Variants in NPAS3 observed in about 807,000 individuals in gnomAD.
The protein encoded by NPAS3 is neuronal PAS domain-containing protein 3.
Under a neutral mutation model 73.1 loss-of-function variants are expected in NPAS3, and 14 were observed. The observed-to-expected ratio is 0.19, with a 90% confidence interval of 0.13 to 0.30. NPAS3 has a LOEUF of 0.30. Among genes scored for constraint, NPAS3 ranks in the 10% least tolerant of loss-of-function variants. The pLI is 1.00. For synonymous variants in NPAS3, 620 were observed against 541.5 expected, an observed-to-expected ratio of 1.14 and a Z score of -2.01; for missense variants, 1,096 against 1,250.0, an observed-to-expected ratio of 0.88 and a Z score of 1.86.
intron 5 of NPAS3, among the ~76,000 whole-genome samples, chr14:33,654,959 T>TACATA (rs778549964): frequency 6.6e-6 from 1 of 152,194 alleles, no homozygotes; most frequent in Non-Finnish European, 1.5e-5. Flanking sequence ...ACTTTCTGAA[T>TACATA]ACATATACCC....
At chr14:33,491,135 A>G (rs767522729) in intron 4 of NPAS3, among the ~76,000 whole-genome samples, 1 of 152,202 alleles carries the variant, frequency 6.6e-6, no homozygotes, top group South Asian at 2.1e-4. Context: ...GTTATTGTGA[A>G]CAAACCTCCA....
chr14:33,442,706 C>T (rs188308071), intron 4 of NPAS3, among the ~76,000 whole-genome samples: 5 of 152,276 alleles, frequency 3.3e-5, no homozygotes, highest in African/African-American at 1.2e-4. Flanking sequence ...TGAGGCCTCC[C>T]CAGCCATACT....
At chr14:33,650,572 G>A (rs566658021) in intron 5 of NPAS3, among the ~76,000 whole-genome samples, 49 of 152,258 alleles carry the variant, frequency 3.2e-4, no homozygotes, top group South Asian at 1.9e-3. Flanking sequence ...ACTGTTCCAC[G>A]TGCACATTAT....
intron 11 of NPAS3, 122 bp from the exon 12 acceptor site, chr14:33,799,612 G>C (rs1017983979): frequency 4.9e-5 from 47 of 967,992 alleles, no homozygotes; most frequent in Non-Finnish European, 6.8e-5. Flanking sequence ...GATGAGGACG[G>C]ACACTTGCCC....
chr14:33,537,822 G>C (rs1180601934), intron 4 of NPAS3, among the ~76,000 whole-genome samples: 1 of 152,152 alleles, frequency 6.6e-6, no homozygotes. Flanking sequence ...GCTCTTTTGA[G>C]AGGCAAGCCA....
intron 5 of NPAS3, among the ~76,000 whole-genome samples, chr14:33,646,663 A>G (rs2058837557): frequency 6.6e-6 from 1 of 152,226 alleles, no homozygotes; most frequent in South Asian, 2.1e-4. Context: ...CAAGTTGAAT[A>G]GTCCATCAAA....
chr14:33,743,987 G>T (rs2061720311), intron 7 of NPAS3, among the ~76,000 whole-genome samples: 1 of 152,208 alleles, frequency 6.6e-6, no homozygotes, highest in Non-Finnish European at 1.5e-5. Flanking sequence ...CATTATGGCT[G>T]GTTTGGTCTT....
In NPAS3 at chr14:33,440,150, G is replaced by A. The variant is rs940930761; in HGVS notation, c.468+72882G>A. Reference sequence around the variant, plus strand: ...AAAAAAAGAAAAAAGACCATTGTGGGAGAGTGGCTGATTGTTGAAGCCGGA... The same window carrying A: ...AAAAAAAGAAAAAAGACCATTGTGGAAGAGTGGCTGATTGTTGAAGCCGGA... On this transcript the variant is annotated intron_variant, in intron 4 of 11. Coordinates refer to ENST00000356141, the Ensembl canonical transcript of NPAS3. Among the ~76,000 whole-genome samples the A allele has an allele frequency of 2.6e-5, 4 of 151,908 alleles. No individual in the cohort carries two copies. The South Asian group carries it at 8.3e-4, about 32-fold the overall frequency.
chr14:33,140,231 A>G (rs2043995966), intron 2 of NPAS3, among the ~76,000 whole-genome samples: 1 of 152,138 alleles, frequency 6.6e-6, no homozygotes, highest in South Asian at 2.1e-4. Flanking sequence ...TATCCCACGA[A>G]AATGAGGAAA....
At chr14:33,396,690 C>T (rs983412950) in intron 4 of NPAS3, among the ~76,000 whole-genome samples, 3 of 151,970 alleles carry the variant, frequency 2.0e-5, no homozygotes, top group Non-Finnish European at 4.4e-5. Context: ...AGCCAATTTC[C>T]TTTGGAATTT....
intron 3 of NPAS3, among the ~76,000 whole-genome samples, chr14:33,356,057 C>A (rs2045324507): frequency 1.3e-5 from 2 of 152,158 alleles, no homozygotes; most frequent in South Asian, 4.1e-4. Flanking sequence ...GAATTATATC[C>A]TTTTCAACTA....
Position 32,988,117 on chromosome 14 carries a change from T to C in NPAS3, c.50+48751T>C, listed in dbSNP as rs1017298688. 2.0e-5 allele frequency among the ~76,000 whole-genome samples: 3 copies of C among 152,192 alleles called. No homozygotes were observed. In the East Asian group the frequency reaches 5.8e-4, roughly 29 times the overall value. ...CAATATGTAAAATATTCAAATAAGA[T>C]TTAAGAAAACATTGATTTGGTGATT... is the stretch of plus-strand genomic sequence containing the variant. On this transcript the variant is annotated intron_variant, in intron 1 of 11. Coordinates refer to ENST00000356141, the Ensembl canonical transcript of NPAS3.
At chr14:33,754,026 G>A (rs190112042) in intron 7 of NPAS3, among the ~76,000 whole-genome samples, 10 of 152,206 alleles carry the variant, frequency 6.6e-5, no homozygotes, top group Admixed American at 6.5e-5. Flanking sequence ...AGTGGTTGAT[G>A]CCTGAGCCTA....
chr14:33,134,020 G>A (rs753597782), intron 2 of NPAS3, among the ~76,000 whole-genome samples: 11 of 152,032 alleles, frequency 7.2e-5, no homozygotes, highest in Non-Finnish European at 1.3e-4. Flanking sequence ...GGTAAAGTTC[G>A]CTTTCTATAA....
In NPAS3 at chr14:33,475,676, GTCT is replaced by G. The variant is rs796863263; in HGVS notation, c.469-84440_469-84438del. Among the ~76,000 whole-genome samples the G allele has an allele frequency of 1.1e-4, 16 of 152,216 alleles. 1 individual carries two copies. The highest frequency in any genetic ancestry group is 3.1e-4 in the African/African-American group (13 of 41,540). ...CGTTGCTATATGTTTTGTTGAGGAA[GTCT>G]TCTTTGACAACAGCATTTCTAGTTC... On this transcript the variant is annotated intron_variant, in intron 4 of 11. Transcript: ENST00000356141.
chr14:33,319,487 G>A (rs987259697), intron 3 of NPAS3, among the ~76,000 whole-genome samples: 1 of 152,134 alleles, frequency 6.6e-6, no homozygotes, highest in Admixed American at 6.6e-5. Flanking sequence ...TTCAAAGAAA[G>A]TTCAGTGCAA....
intron 7 of NPAS3, among the ~76,000 whole-genome samples, chr14:33,739,176 C>A (rs1241963672): frequency 6.6e-6 from 1 of 152,182 alleles, no homozygotes; most frequent in Admixed American, 6.5e-5. Flanking sequence ...AAACTCTTCA[C>A]AGTGGTGAAA....
chr14:33,483,114 A>T (rs1476240571), intron 4 of NPAS3, among the ~76,000 whole-genome samples: 2 of 152,186 alleles, frequency 1.3e-5, no homozygotes, highest in Non-Finnish European at 2.9e-5. Flanking sequence ...TTAATGTGGT[A>T]ACAATGAAAA....
At chr14:33,591,358 T>C (rs1236004644) in intron 5 of NPAS3, among the ~76,000 whole-genome samples, 2 of 152,132 alleles carry the variant, frequency 1.3e-5, no homozygotes, top group East Asian at 1.9e-4. Context: ...ACACAAACAA[T>C]TATACTAAAC....
Sources: gnomAD v4.1 joint callset for allele counts (sites outside exome capture counted in the v4.1 genomes callset) on GRCh38, gnomAD v4.1.1 for gene constraint, MANE v1.5 for transcripts, NCBI Gene and HGNC (gene_info 2026-07-23, HGNC 2026-07-21) for gene names.